Variants in TIAM1 observed in about 807,000 individuals in gnomAD.
TIAM1 encodes TIAM Rac1 associated GEF 1.
In TIAM1, 65 loss-of-function variants were observed where a neutral mutation model predicts 163.5. That is an observed-to-expected ratio of 0.40 (90% CI 0.33 to 0.49). TIAM1 has a LOEUF of 0.49. Ranked by LOEUF, TIAM1 falls within the 20% of genes least tolerant of loss-of-function variation. The pLI, the probability that TIAM1 is intolerant of heterozygous loss-of-function variation, is 0.77. For missense variants in TIAM1, 1,789 were observed against 2,044.7 expected, an observed-to-expected ratio of 0.87 and a Z score of 2.41; for synonymous variants, 833 against 810.1, an observed-to-expected ratio of 1.03 and a Z score of -0.48.
At chr21:31,494,914 A>C (rs528998428) in intron 1 of TIAM1, among the ~76,000 whole-genome samples, 39 of 152,336 alleles carry the variant, frequency 2.6e-4, no homozygotes, top group Admixed American at 9.1e-4. Flanking sequence ...CCTGCAGAAA[A>C]GTGCAATAGA....
chr21:31,181,589 AT>A, intron 15 of TIAM1, among the ~76,000 whole-genome samples: 1 of 151,590 alleles, frequency 6.6e-6, no homozygotes, highest in Admixed American at 6.6e-5. Context: ...CTCTGCACAC[AT>A]TTCCACTCTG....
chr21:31,130,093 A>AG (rs112890688), intron 25 of TIAM1, 120 bp downstream of exon 25: 44 of 615,192 alleles, frequency 7.2e-5, no homozygotes, highest in Non-Finnish European at 9.4e-5. Context: ...AGTTAAGCAT[A>AG]GGGAAAAAAA....
At chr21:31,432,938 A>G (rs2044092104) in intron 2 of TIAM1, among the ~76,000 whole-genome samples, 1 of 152,214 alleles carries the variant, frequency 6.6e-6, no homozygotes, top group Non-Finnish European at 1.5e-5. Flanking sequence ...GAATGATAAA[A>G]GGGGCATTGG....
At chr21:31,359,834 A>G (rs1445903809) in intron 2 of TIAM1, among the ~76,000 whole-genome samples, 4 of 135,512 alleles carry the variant, frequency 3.0e-5, no homozygotes, top group African/African-American at 5.8e-5. Flanking sequence ...GGAAGGAAGG[A>G]AGGAAGGAAG....
intron 2 of TIAM1, among the ~76,000 whole-genome samples, chr21:31,349,309 G>C (rs2076197110): frequency 6.6e-6 from 1 of 152,232 alleles, no homozygotes; most frequent in Non-Finnish European, 1.5e-5. Flanking sequence ...GAAGGGAAAA[G>C]GGAGGAAGTG....
rs146736367 is a variant in TIAM1, at chr21:31,156,134, G to A, written c.2992-1708C>T. Among the ~76,000 whole-genome samples the A allele has an allele frequency of 2.3e-3, 344 of 152,260 alleles. 2 individuals are homozygous for A. The highest frequency in any genetic ancestry group is 8.0e-3 in the African/African-American group (334 of 41,542). On this transcript the variant is annotated intron_variant, in intron 16 of 27. Transcript: ENST00000541036. ...GCATATCCAAAAGGGAAGGAAGTCT[G>A]GAATAAAGATGAGGCAAGGACAGGG...
At chr21:31,194,901 G>A (rs1002779082) in intron 13 of TIAM1, among the ~76,000 whole-genome samples, 1 of 152,152 alleles carries the variant, frequency 6.6e-6, no homozygotes, top group South Asian at 2.1e-4. Flanking sequence ...TCCCATGCAT[G>A]AATCACAAAT....
At chr21:31,148,956 C>CTTTTTTTT (rs869158026) in intron 19 of TIAM1, among the ~76,000 whole-genome samples, 849 of 28,646 alleles carry the variant, frequency 0.03, 21 homozygotes, top group African/African-American at 0.077. Context: ...ACAAGTTTTT[C>CTTTTTTTT]TTTTTCTTTT....
At chr21:31,477,659 G>A (rs940751474) in intron 1 of TIAM1, among the ~76,000 whole-genome samples, 5 of 152,014 alleles carry the variant, frequency 3.3e-5, no homozygotes, top group Non-Finnish European at 7.4e-5. Flanking sequence ...ATTTTTAGGA[G>A]AGACGGGGGT....
At chr21:31,546,819 A>T (rs895712809) in intron 1 of TIAM1, among the ~76,000 whole-genome samples, 10 of 152,182 alleles carry the variant, frequency 6.6e-5, no homozygotes, top group Non-Finnish European at 1.3e-4. Flanking sequence ...TGAGTTTTCA[A>T]GTTTTTCCCA....
At chr21:31,413,823 G>T (rs1464373112) in intron 2 of TIAM1, among the ~76,000 whole-genome samples, 2 of 152,056 alleles carry the variant, frequency 1.3e-5, no homozygotes, top group Non-Finnish European at 2.9e-5. Flanking sequence ...CCTTCCACAG[G>T]GTTCCAGTGC....
chr21:31,189,136 C>G (rs2085439877), intron 13 of TIAM1, among the ~76,000 whole-genome samples: 2 of 128,818 alleles, frequency 1.6e-5, no homozygotes, highest in Admixed American at 2.0e-4. Context: ...CTCACTACAA[C>G]CTCTGCCTCC....
At chr21:31,283,574 T>C (rs2073666616) in intron 2 of TIAM1, among the ~76,000 whole-genome samples, 1 of 151,260 alleles carries the variant, frequency 6.6e-6, no homozygotes, top group Non-Finnish European at 1.5e-5. Context: ...AGATGAAGTG[T>C]TGCTCTGTCG....
chr21:31,257,257 A>G (rs1286730273), intron 4 of TIAM1, among the ~76,000 whole-genome samples: 3 of 152,048 alleles, frequency 2.0e-5, no homozygotes, highest in Non-Finnish European at 4.4e-5. Flanking sequence ...CTTTCTTTTT[A>G]TGTTTCCAAC....
At chr21:31,438,649 C>G (rs929074327) in intron 2 of TIAM1, among the ~76,000 whole-genome samples, 2 of 152,184 alleles carry the variant, frequency 1.3e-5, no homozygotes, top group African/African-American at 4.8e-5. Context: ...GCTCTCTCCC[C>G]CAAGTCCTCT....
intron 11 of TIAM1, among the ~76,000 whole-genome samples, chr21:31,208,691 T>C (rs1018575285): frequency 1.3e-5 from 2 of 152,192 alleles, no homozygotes; most frequent in African/African-American, 2.4e-5. Context: ...ACATAAGACA[T>C]TTTAAGAGGC....
intron 1 of TIAM1, among the ~76,000 whole-genome samples, chr21:31,545,708 C>G (rs183532845): frequency 3.3e-5 from 5 of 152,298 alleles, no homozygotes; most frequent in African/African-American, 1.2e-4. Flanking sequence ...TAGCGCTAAT[C>G]CTTCCATTGA....
intron 12 of TIAM1, among the ~76,000 whole-genome samples, chr21:31,196,517 T>C (rs9974671): frequency 0.17 from 25,026 of 147,490 alleles, 3,129 homozygotes; most frequent in East Asian, 0.38. Flanking sequence ...GATGGGGTTT[T>C]GCCATGTTGG....
In TIAM1 at chr21:31,421,952, T is replaced by C. The variant is rs184569862; in HGVS notation, c.-369+42031A>G. Among the ~76,000 whole-genome samples, 4 of 152,184 alleles carry C rather than the reference T, an allele frequency of 2.6e-5. No homozygotes were observed. In the East Asian group the frequency reaches 7.7e-4, roughly 29 times the overall value. On this transcript the variant is annotated intron_variant, in intron 2 of 28. Coordinates refer to the TIAM1 transcript ENST00000286827. ...CTGCAGTGAGTTATAATCACACCACTGCACTCCAGTCGAGTTGCTGCAGGT... is the reference window on the plus strand; with the variant it reads ...CTGCAGTGAGTTATAATCACACCACCGCACTCCAGTCGAGTTGCTGCAGGT...
Sources: gnomAD v4.1 joint callset for allele counts (sites outside exome capture counted in the v4.1 genomes callset) on GRCh38, gnomAD v4.1.1 for gene constraint, MANE v1.5 for transcripts, NCBI Gene and HGNC (gene_info 2026-07-23, HGNC 2026-07-21) for gene names.